Variants in CAMK1D observed in about 807,000 individuals in gnomAD.
CAMK1D encodes calcium/calmodulin-dependent protein kinase type 1D.
Under a neutral mutation model 47.7 loss-of-function variants are expected in CAMK1D, and 9 were observed. That is an observed-to-expected ratio of 0.19 (90% CI 0.11 to 0.33). The LOEUF (loss-of-function observed/expected upper bound fraction) is 0.33. CAMK1D is among the 10% of genes least tolerant of loss of function. The pLI is 1.00. For missense variants in CAMK1D, 291 were observed against 488.7 expected, an observed-to-expected ratio of 0.60 and a Z score of 3.81; for synonymous variants, 184 against 184.9, an observed-to-expected ratio of 0.99 and a Z score of 0.04.
At chr10:12,473,366 G>A (rs774829965) in intron 1 of CAMK1D, among the ~76,000 whole-genome samples, 71 of 152,144 alleles carry the variant, frequency 4.7e-4, no homozygotes, top group Non-Finnish European at 6.8e-4. Context: ...CTTGGGAGGT[G>A]GAAGTTGCAG....
chr10:12,789,632 C>T (rs577531012), intron 5 of CAMK1D, among the ~76,000 whole-genome samples: 11 of 151,918 alleles, frequency 7.2e-5, no homozygotes, highest in South Asian at 4.1e-4. Context: ...TTCGTGTAGA[C>T]GCCACATTCC....
chr10:12,824,043 G>A (rs1481278358), intron 8 of CAMK1D, among the ~76,000 whole-genome samples: 1 of 152,072 alleles, frequency 6.6e-6, no homozygotes, highest in Non-Finnish European at 1.5e-5. Context: ...ACCAGTTGGG[G>A]AACAAGTGTG....
chr10:12,383,914 C>T (rs962308158), intron 1 of CAMK1D, among the ~76,000 whole-genome samples: 2 of 152,086 alleles, frequency 1.3e-5, no homozygotes, highest in South Asian at 2.1e-4. Context: ...AGAAGTAAAA[C>T]GATCTCTATT....
At chr10:12,488,781 A>G (rs1001788730) in intron 1 of CAMK1D, among the ~76,000 whole-genome samples, 1 of 152,100 alleles carries the variant, frequency 6.6e-6, no homozygotes, top group Non-Finnish European at 1.5e-5. Flanking sequence ...TGCGCAGTTC[A>G]CAATAGGGTT....
intron 3 of CAMK1D, among the ~76,000 whole-genome samples, chr10:12,692,116 C>T (rs1832953886): frequency 6.6e-6 from 1 of 152,120 alleles, no homozygotes; most frequent in Non-Finnish European, 1.5e-5. Flanking sequence ...AATTGTTTTT[C>T]TGTAGCACAA....
At chr10:12,562,611 T>G (rs1313995790) in intron 2 of CAMK1D, among the ~76,000 whole-genome samples, 1 of 152,214 alleles carries the variant, frequency 6.6e-6, no homozygotes, top group Non-Finnish European at 1.5e-5. Flanking sequence ...CATGTTTCAG[T>G]TTAGTTCTCC....
intron 2 of CAMK1D, among the ~76,000 whole-genome samples, chr10:12,624,603 T>C (rs1839149114): frequency 6.6e-6 from 1 of 152,336 alleles, no homozygotes; most frequent in African/African-American, 2.4e-5. Context: ...TAAATAGTAG[T>C]CCACGGTTTA....
rs58209761 is a variant in CAMK1D at position 12,472,802 on chromosome 10, G to C, written c.93-80423G>C. Among the ~76,000 whole-genome samples, 517 of 152,218 alleles carry C rather than the reference G, an allele frequency of 3.4e-3. 2 individuals carry two copies. Among genetic ancestry groups the C allele is most frequent in the African/African-American group, 0.012 (485 of 41,538 alleles). On this transcript the variant is annotated intron_variant, in intron 1 of 10. Transcript: ENST00000619168. ...CTCCCAAAGTGCTGGGATTACAGGC[G>C]TGAGCCACCGCGCCTGGCCTCATTC...
At position 12,829,203 on chromosome 10, in the gene CAMK1D, GT is replaced by G. The variant is rs1378258756; in HGVS notation, c.*317del. The G allele has an allele frequency of 8.7e-6, 2 of 230,730 alleles. 1 individual carries two copies. Among genetic ancestry groups the G allele is most frequent in the Non-Finnish European group, 1.7e-5 (2 of 119,896 alleles). 14.3% of individuals were successfully genotyped at this position (230,730 alleles called of 1,614,324 possible). The stretch of plus-strand genomic sequence containing the variant: ...ATCGTTTCCACTCTTCTCAGTGTAG[GT>G]AACCGTCTATGGTGTGTTTTTTCAT... On this transcript the variant is annotated 3_prime_UTR_variant, in exon 11 of 11. Transcript: ENST00000619168.
chr10:12,643,380 G>C (rs7098099), intron 2 of CAMK1D, among the ~76,000 whole-genome samples: 112,392 of 152,114 alleles, frequency 0.74, 42,953 homozygotes, highest in East Asian at 0.84. Context: ...TACCCTATCT[G>C]TGGGCTGTTA....
At chr10:12,754,701 G>A (rs1160724565) in intron 3 of CAMK1D, among the ~76,000 whole-genome samples, 1 of 152,158 alleles carries the variant, frequency 6.6e-6, no homozygotes, top group East Asian at 1.9e-4. Flanking sequence ...TTTCTCTTGA[G>A]GCGTCTTTCC....
intron 6 of CAMK1D, among the ~76,000 whole-genome samples, chr10:12,802,732 G>T (rs760985365): frequency 2.5e-4 from 38 of 152,204 alleles, no homozygotes; most frequent in Non-Finnish European, 4.1e-4. Flanking sequence ...ATGTTGGCCA[G>T]GCTGGTCTTG....
intron 1 of CAMK1D, among the ~76,000 whole-genome samples, chr10:12,426,535 A>T (rs1447512306): frequency 6.6e-6 from 1 of 150,798 alleles, no homozygotes; most frequent in African/African-American, 2.4e-5. Flanking sequence ...GTGAGCCACC[A>T]TGCCCAGCTG....
intron 3 of CAMK1D, among the ~76,000 whole-genome samples, chr10:12,672,166 C>T (rs952241766): frequency 3.2e-4 from 48 of 151,826 alleles, no homozygotes; most frequent in Non-Finnish European, 4.4e-4. Context: ...CTGCCTGCCG[C>T]GGCCTCCCAA....
rs556072098 is a variant in CAMK1D at position 12,759,289 on chromosome 10, G to A, written c.300-1659G>A. 4.6e-5 allele frequency among the ~76,000 whole-genome samples: 7 copies of A among 152,352 alleles called. No individual in the cohort carries two copies. The East Asian group carries it at 9.7e-4, about 21-fold the overall frequency. ...GGATCGCTTAAGCCCTGTAGGTCAAGGCTGCAGAGAGCTGTGATCATGCCA... is the reference window on the plus strand; with the variant it reads ...GGATCGCTTAAGCCCTGTAGGTCAAAGCTGCAGAGAGCTGTGATCATGCCA... On this transcript the variant is annotated intron_variant, in intron 3 of 10. Coordinates refer to ENST00000619168, the MANE Select transcript of CAMK1D (RefSeq NM_153498.4).
intron 1 of CAMK1D, among the ~76,000 whole-genome samples, chr10:12,542,620 G>C (rs1407660524): frequency 6.6e-6 from 1 of 152,230 alleles, no homozygotes; most frequent in East Asian, 1.9e-4. Context: ...ATTCGACTAA[G>C]AGTTTTGGAG....
intron 1 of CAMK1D, among the ~76,000 whole-genome samples, chr10:12,384,961 G>A (rs947276702): frequency 1.3e-5 from 2 of 152,164 alleles, no homozygotes; most frequent in Non-Finnish European, 2.9e-5. Flanking sequence ...AACGGGCCAA[G>A]GATATGAATA....
chr10:12,447,917 A>G (rs1426133343), intron 1 of CAMK1D, among the ~76,000 whole-genome samples: 1 of 152,018 alleles, frequency 6.6e-6, no homozygotes, highest in African/African-American at 2.4e-5. Context: ...CAATGGCACA[A>G]TCTCGGCTCA....
chr10:12,787,400 G>A (rs1233987042), intron 5 of CAMK1D, among the ~76,000 whole-genome samples: 2 of 152,172 alleles, frequency 1.3e-5, no homozygotes, highest in South Asian at 2.1e-4. Flanking sequence ...TGATGAAGAC[G>A]GGGAGGAGGT....
Sources: gnomAD v4.1 joint callset for allele counts (sites outside exome capture counted in the v4.1 genomes callset) on GRCh38, gnomAD v4.1.1 for gene constraint, MANE v1.5 for transcripts, NCBI Gene and HGNC (gene_info 2026-07-23, HGNC 2026-07-21) for gene names.